DPYD: variants seen among roughly 807,000 people sequenced by gnomAD.
DPYD encodes dihydropyrimidine dehydrogenase [NADP(+)].
In DPYD, 109 loss-of-function variants were observed where a neutral mutation model predicts 116.2. That is an observed-to-expected ratio of 0.94 (90% CI 0.80 to 1.10). The LOEUF (loss-of-function observed/expected upper bound fraction) is 1.10. DPYD is among the 50% of genes least tolerant of loss of function. DPYD has a pLI of 0.00. For synonymous variants in DPYD, 440 were observed against 432.0 expected (o/e 1.02, Z -0.23); for missense variants, 1,302 against 1,254.5 (o/e 1.04, Z -0.57).
At chr1:97,756,150 T>C (rs1178395470) in intron 3 of DPYD, among the ~76,000 whole-genome samples, 2 of 152,176 alleles carry the variant, frequency 1.3e-5, no homozygotes, top group African/African-American at 4.8e-5. Flanking sequence ...AGGGAAGTAG[T>C]ATGTTGAATA....
chr1:97,810,647 C>T (rs1668308256), intron 3 of DPYD, among the ~76,000 whole-genome samples: 1 of 152,056 alleles, frequency 6.6e-6, no homozygotes, highest in African/African-American at 2.4e-5. Context: ...TATTAGAGCT[C>T]TCATATCCAT....
At chr1:97,316,561 T>TAAAATAAAATAAAATAAAATAAA (rs1261931074) in intron 16 of DPYD, among the ~76,000 whole-genome samples, 3 of 151,252 alleles carry the variant, frequency 2.0e-5, no homozygotes, top group South Asian at 2.1e-4. Flanking sequence ...TAAAATAAAA[T>TAAAATAAAATAAAATAAAATAAA]ATCATTCATT....
chr1:97,811,282 A>C (rs1272839553), intron 3 of DPYD, among the ~76,000 whole-genome samples: 1 of 152,104 alleles, frequency 6.6e-6, no homozygotes. Flanking sequence ...CCCGTTATCC[A>C]ATTTTCATGA....
chr1:97,433,568 T>C (rs745783359), intron 14 of DPYD, among the ~76,000 whole-genome samples: 47 of 152,166 alleles, frequency 3.1e-4, no homozygotes, highest in Non-Finnish European at 6.2e-4. Context: ...ATATCTTTTG[T>C]TATGGTTATT....
intron 4 of DPYD, among the ~76,000 whole-genome samples, chr1:97,723,030 A>G (rs943608174): frequency 2.0e-5 from 3 of 151,668 alleles, no homozygotes; most frequent in Non-Finnish European, 3.0e-5. Context: ...AGAAAAGACA[A>G]AAAAAGAAAC....
At chr1:97,143,999 C>T (rs1036204165) in intron 20 of DPYD, among the ~76,000 whole-genome samples, 3 of 152,152 alleles carry the variant, frequency 2.0e-5, no homozygotes, top group African/African-American at 4.8e-5. Context: ...TTATTCTTGC[C>T]ATGATTCTCT....
intron 14 of DPYD, among the ~76,000 whole-genome samples, chr1:97,409,732 C>T (rs1053638475): frequency 2.0e-5 from 3 of 152,164 alleles, no homozygotes; most frequent in Non-Finnish European, 4.4e-5. Flanking sequence ...CTTCCCCAGA[C>T]ATACACATGG....
intron 1 of DPYD, among the ~76,000 whole-genome samples, chr1:97,915,928 T>C (rs963406406): frequency 6.6e-6 from 1 of 152,186 alleles, no homozygotes; most frequent in African/African-American, 2.4e-5. Flanking sequence ...CATTGTCTTC[T>C]AGTTTTAGTG....
chr1:97,177,819 G>A (rs372963417), intron 20 of DPYD, among the ~76,000 whole-genome samples: 17 of 152,162 alleles, frequency 1.1e-4, no homozygotes, highest in East Asian at 7.7e-4. Context: ...AAACTTGGTG[G>A]CTTATAAACA....
intron 3 of DPYD, among the ~76,000 whole-genome samples, chr1:97,778,633 T>G (rs1002660700): frequency 1.3e-5 from 2 of 152,194 alleles, no homozygotes; most frequent in African/African-American, 4.8e-5. Flanking sequence ...TTAAAACATG[T>G]AAACTCACTT....
At chr1:97,128,551 C>T (rs908405310) in intron 20 of DPYD, among the ~76,000 whole-genome samples, 3 of 152,100 alleles carry the variant, frequency 2.0e-5, no homozygotes, top group Non-Finnish European at 4.4e-5. Context: ...CTTTACAGCC[C>T]TTTTCCAATG....
chr1:97,145,212 G>A (rs1654526282), intron 20 of DPYD, among the ~76,000 whole-genome samples: 1 of 151,992 alleles, frequency 6.6e-6, no homozygotes, highest in Non-Finnish European at 1.5e-5. Context: ...TTTTCTCCAT[G>A]TGCAGCATAT....
At chr1:97,210,204 T>C (rs987248334) in intron 19 of DPYD, among the ~76,000 whole-genome samples, 2 of 152,160 alleles carry the variant, frequency 1.3e-5, no homozygotes, top group African/African-American at 4.8e-5. Context: ...AGTTATAGAA[T>C]TGGATGAGCA....
At chr1:97,110,194 G>C (rs1651491283) in intron 20 of DPYD, among the ~76,000 whole-genome samples, 1 of 152,124 alleles carries the variant, frequency 6.6e-6, no homozygotes, top group South Asian at 2.1e-4. Flanking sequence ...CCTTCTTTCA[G>C]ATGTATTTGT....
At chr1:97,564,269 C>T (rs1330676773) in intron 11 of DPYD, among the ~76,000 whole-genome samples, 1 of 152,082 alleles carries the variant, frequency 6.6e-6, no homozygotes, top group African/African-American at 2.4e-5. Flanking sequence ...CATGTCATAA[C>T]CTCCTTAAAA....
At chr1:97,552,949 T>A in intron 11 of DPYD, among the ~76,000 whole-genome samples, 1 of 152,122 alleles carries the variant, frequency 6.6e-6, no homozygotes, top group South Asian at 2.1e-4. Flanking sequence ...AGACCATCTG[T>A]ATATATTTTA....
At chr1:97,916,831 G>A (rs749442400) in intron 1 of DPYD, among the ~76,000 whole-genome samples, 208 of 152,174 alleles carry the variant, frequency 1.4e-3, no homozygotes, top group Admixed American at 2.2e-3. Flanking sequence ...AATATACTGA[G>A]ACCCCCATCT....
intron 3 of DPYD, among the ~76,000 whole-genome samples, chr1:97,753,768 G>C: frequency 6.6e-6 from 1 of 151,502 alleles, no homozygotes. Context: ...CAAAATAAAA[G>C]CAATTAGAAA....
chr1:97,644,613 G>T (rs1338077686), intron 8 of DPYD, among the ~76,000 whole-genome samples: 3 of 148,078 alleles, frequency 2.0e-5, no homozygotes, highest in Non-Finnish European at 3.0e-5. Flanking sequence ...TTTGTTTTTT[G>T]TTTTTGTTTT....
Sources: gnomAD v4.1 joint callset for allele counts (sites outside exome capture counted in the v4.1 genomes callset) on GRCh38, gnomAD v4.1.1 for gene constraint, MANE v1.5 for transcripts, NCBI Gene and HGNC (gene_info 2026-07-23, HGNC 2026-07-21) for gene names.